ISM1: variants seen among roughly 807,000 people sequenced by gnomAD.
ISM1 encodes the protein isthmin-1.
Under a neutral mutation model 46.3 loss-of-function variants are expected in ISM1, and 25 were observed. The ratio of observed to expected loss-of-function variants is 0.54; its 90% CI spans 0.39 to 0.75. The LOEUF is 0.75. Ranked by LOEUF, ISM1 falls within the 30% of genes least tolerant of loss-of-function variation. ISM1 has a pLI of 0.00. For synonymous variants in ISM1, 255 were observed against 256.7 expected (o/e 0.99, Z 0.06); for missense variants, 536 against 625.4 (o/e 0.86, Z 1.52).
the ISM1 span, among the ~76,000 whole-genome samples, chr20:13,326,715 A>G: frequency 2.0e-5 from 3 of 152,200 alleles, no homozygotes; most frequent in Admixed American, 1.3e-4. Flanking sequence ...TTGTTTACAC[A>G]TGATTATCTC....
At chr20:13,286,693 T>C (rs988983582) in intron 3 of ISM1, among the ~76,000 whole-genome samples, 1 of 152,126 alleles carries the variant, frequency 6.6e-6, no homozygotes, top group African/African-American at 2.4e-5. Flanking sequence ...CTTAGTGGAC[T>C]GAGGAGGCTC....
At chr20:13,245,819 G>A (rs918299130) in intron 1 of ISM1, among the ~76,000 whole-genome samples, 5 of 152,094 alleles carry the variant, frequency 3.3e-5, no homozygotes, top group African/African-American at 1.2e-4. Flanking sequence ...AACAGATACT[G>A]AGGAACTCCA....
chr20:13,267,206 G>C (rs2040052423), intron 1 of ISM1, among the ~76,000 whole-genome samples: 1 of 152,194 alleles, frequency 6.6e-6, no homozygotes, highest in Admixed American at 6.5e-5. Context: ...AATATGTTTT[G>C]AAAGAGGTGC....
the ISM1 span, among the ~76,000 whole-genome samples, chr20:13,319,379 G>A: frequency 6.6e-6 from 1 of 152,106 alleles, no homozygotes; most frequent in Admixed American, 6.6e-5. Flanking sequence ...GGAAGTTATT[G>A]AAAACAGAGC....
At chr20:13,305,715 A>G in the ISM1 span, among the ~76,000 whole-genome samples, 2 of 152,242 alleles carry the variant, frequency 1.3e-5, no homozygotes, top group Non-Finnish European at 2.9e-5. Flanking sequence ...TTACCATATG[A>G]GAGTAGAAGG....
At chr20:13,278,104 A>G (rs6041983) in intron 2 of ISM1, among the ~76,000 whole-genome samples, 12,894 of 152,152 alleles carry the variant, frequency 0.085, 624 homozygotes, top group Middle Eastern at 0.13. Context: ...TTTCTGATTC[A>G]TTTGCACATA....
At chr20:13,251,855 G>C (rs2039871617) in intron 1 of ISM1, among the ~76,000 whole-genome samples, 1 of 152,156 alleles carries the variant, frequency 6.6e-6, no homozygotes, top group Non-Finnish European at 1.5e-5. Context: ...CGAACTCTTA[G>C]TAACTGAATA....
At chr20:13,249,384 C>T (rs1568670042) in intron 1 of ISM1, among the ~76,000 whole-genome samples, 1 of 152,188 alleles carries the variant, frequency 6.6e-6, no homozygotes, top group African/African-American at 2.4e-5. Flanking sequence ...AGACATGAAA[C>T]ACGGGCAGGC....
intron 3 of ISM1, among the ~76,000 whole-genome samples, chr20:13,284,178 G>A (rs1024434517): frequency 6.6e-6 from 1 of 152,186 alleles, no homozygotes; most frequent in Admixed American, 6.5e-5. Flanking sequence ...CTCAGTAATC[G>A]GTAGACACTG....
intron 1 of ISM1, among the ~76,000 whole-genome samples, chr20:13,224,058 G>A (rs1018632695): frequency 2.0e-5 from 3 of 151,988 alleles, no homozygotes; most frequent in Admixed American, 6.6e-5. Flanking sequence ...TGCCCCAAGA[G>A]GACACAACAA....
chr20:13,322,755 C>T, the ISM1 span, among the ~76,000 whole-genome samples: 6 of 152,146 alleles, frequency 3.9e-5, no homozygotes, highest in African/African-American at 1.2e-4. Context: ...TTTATCTAAT[C>T]AGACAGTCTA....
intron 4 of ISM1, among the ~76,000 whole-genome samples, 176 bp from the exon 5 acceptor site, chr20:13,292,198 A>G (rs2040360551): frequency 6.6e-6 from 1 of 152,114 alleles, no homozygotes; most frequent in African/African-American, 2.4e-5. Context: ...GTTTTAATAT[A>G]GTTTCTGCAC....
At position 13,300,206 on chromosome 20, in the gene ISM1, C is replaced by T. The variant is rs1012557361; in HGVS notation, c.*747C>T. ...ATCATAATGCTATCATTCTGCTAAACGGCCCCAAAACAGTAGAATTTCTGC... is the reference window on the plus strand; with the variant it reads ...ATCATAATGCTATCATTCTGCTAAATGGCCCCAAAACAGTAGAATTTCTGC... On this transcript the variant is annotated 3_prime_UTR_variant, in exon 6 of 6. Coordinates refer to ENST00000262487, the MANE Select transcript of ISM1 (RefSeq NM_080826.2). 1 of 152,072 alleles carries T rather than the reference C, an allele frequency of 6.6e-6. No homozygotes were observed. Among genetic ancestry groups the T allele is most frequent in the Admixed American group, 6.6e-5 (1 of 15,266 alleles). The allele number at this position is 152,072 out of a possible 1,614,324, so 9.4% of individuals were successfully genotyped here.
downstream of ISM1, among the ~76,000 whole-genome samples, chr20:13,302,789 A>G (rs2040470087): frequency 1.3e-5 from 2 of 152,200 alleles, no homozygotes; most frequent in Admixed American, 6.5e-5. Context: ...ACATCTGAAC[A>G]CAACAGTGGT....
chr20:13,244,873 G>C (rs189227264), intron 1 of ISM1, among the ~76,000 whole-genome samples: 4 of 152,324 alleles, frequency 2.6e-5, no homozygotes, highest in East Asian at 3.9e-4. Flanking sequence ...TTTCCTGCCA[G>C]TTTTCTATTG....
At chr20:13,322,182 GAT>G in the ISM1 span, among the ~76,000 whole-genome samples, 1 of 152,320 alleles carries the variant, frequency 6.6e-6, no homozygotes, top group Admixed American at 6.5e-5. Flanking sequence ...ACCTAGCCTA[GAT>G]GACTTCCAAT....
chr20:13,265,479 C>A (rs1334225738), intron 1 of ISM1, among the ~76,000 whole-genome samples: 3 of 152,102 alleles, frequency 2.0e-5, no homozygotes, highest in Non-Finnish European at 4.4e-5. Context: ...GATCTGTGAG[C>A]AATGGGGGCC....
intron 1 of ISM1, among the ~76,000 whole-genome samples, chr20:13,261,048 A>G (rs572693535): frequency 6.6e-6 from 1 of 152,294 alleles, no homozygotes; most frequent in Admixed American, 6.5e-5. Context: ...AAGAGCAAAA[A>G]AAAATAGGCA....
the ISM1 span, among the ~76,000 whole-genome samples, chr20:13,312,993 T>A: frequency 6.6e-6 from 1 of 152,138 alleles, no homozygotes; most frequent in Admixed American, 6.5e-5. Context: ...GAAGTAAAAT[T>A]TGAGCCTCAT....
Sources: allele counts gnomAD v4.1 joint callset (sites outside exome capture counted in the v4.1 genomes callset), GRCh38; gene constraint gnomAD v4.1.1; transcripts MANE v1.5; gene names NCBI Gene and HGNC (gene_info 2026-07-23, HGNC 2026-07-21).